ZNF804B: variants seen among roughly 807,000 people sequenced by gnomAD.
ZNF804B encodes zinc finger 804B.
Under a neutral mutation model 101.4 loss-of-function variants are expected in ZNF804B, and 80 were observed. The ratio of observed to expected loss-of-function variants is 0.79; its 90% confidence interval spans 0.66 to 0.95. ZNF804B has a LOEUF of 0.95. Ranked by LOEUF, ZNF804B falls within the 40% of genes least tolerant of loss-of-function variation. The pLI, the probability that ZNF804B is intolerant of heterozygous loss-of-function variation, is 0.00. For synonymous variants in ZNF804B, 622 were observed against 558.8 expected (o/e 1.11, Z -1.59); for missense variants, 1,673 against 1,561.9 (o/e 1.07, Z -1.20).
chr7:89,334,700 T>A lies in ZNF804B; in HGVS notation c.1718T>A (p.Leu573Ter). ...KSEYTFSAND[L>*]EMKNPKVPLY... ...GAATATACTTTCAGTGCAAATGATT[T>A]GGAAATGAAAAATCCTAAAGTGCCT... Residue 573 changes from leucine (L) to a stop codon, truncating the protein, a stop_gained, in exon 4 of 4, where the codon TTG (leucine) becomes TAG (stop). Coordinates refer to ENST00000333190, the MANE Select transcript of ZNF804B (RefSeq NM_181646.5). LOFTEE classifies it high-confidence loss of function. 6.2e-7 allele frequency: 1 copy of A among 1,613,678 alleles called. No homozygotes were observed. Among genetic ancestry groups the A allele is most frequent in the Non-Finnish European group, 8.5e-7 (1 of 1,179,806 alleles).
At chr7:89,218,471 T>C (rs1211268939) in intron 2 of ZNF804B, among the ~76,000 whole-genome samples, 176 bp downstream of exon 2, 1 of 152,152 alleles carries the variant, frequency 6.6e-6, no homozygotes, top group East Asian at 1.9e-4. Flanking sequence ...AAGTCATTTT[T>C]TCCTAGAACT....
At chr7:89,032,210 G>A (rs1234273975) in intron 1 of ZNF804B, among the ~76,000 whole-genome samples, 3 of 151,170 alleles carry the variant, frequency 2.0e-5, no homozygotes, top group Admixed American at 6.6e-5. Context: ...AGTGATAGGA[G>A]CATTTCAAAG....
At position 89,337,106 on chromosome 7, in the gene ZNF804B, C is replaced by G. The variant is rs73388530; in HGVS notation, c.*74C>G. The G allele has an allele frequency of 2.8e-3, 3,889 of 1,391,240 alleles. 76 individuals are homozygous for G. In the African/African-American group the frequency reaches 0.046, roughly 17 times the overall value. The allele number at this position is 1,391,240 out of a possible 1,614,324, so 86.2% of individuals were successfully genotyped here. ...TATAAAATCATACATTTAAAGAAGT[C>G]TGTCAATTATAAGATTTAAAATATT... is the stretch of plus-strand genomic sequence containing the variant. On this transcript the variant is annotated 3_prime_UTR_variant, in exon 4 of 4. Coordinates refer to ENST00000333190, the MANE Select transcript of ZNF804B (RefSeq NM_181646.5).
At chr7:88,816,383 G>A (rs940592689) in intron 1 of ZNF804B, among the ~76,000 whole-genome samples, 7 of 152,080 alleles carry the variant, frequency 4.6e-5, no homozygotes, top group Admixed American at 3.9e-4. Context: ...TTGACAAATG[G>A]GATCTAATTA....
rs73393452 is a variant in ZNF804B at position 88,820,477 on chromosome 7, A to G, written c.108+60393A>G. On this transcript the variant is annotated intron_variant, in intron 1 of 3. Transcript: ENST00000333190. ...TCCTGGGAAAAAGAGAAGTCAAGCC[A>G]TGAGCCTCCCTTTCTCATAGGAACG... Among the ~76,000 whole-genome samples, 8 of 152,290 alleles carry G rather than the reference A, an allele frequency of 5.3e-5. 1 individual carries two copies. The highest frequency in any genetic ancestry group is 1.9e-4 in the African/African-American group (8 of 41,574).
intron 1 of ZNF804B, among the ~76,000 whole-genome samples, chr7:88,769,404 T>A (rs1421366472): frequency 1.3e-5 from 2 of 152,182 alleles, no homozygotes; most frequent in African/African-American, 4.8e-5. Flanking sequence ...TTAGGTATAA[T>A]TTAGTGTCAC....
chr7:89,009,546 A>T (rs1299052097), intron 1 of ZNF804B, among the ~76,000 whole-genome samples: 1 of 152,176 alleles, frequency 6.6e-6, no homozygotes, highest in Non-Finnish European at 1.5e-5. Context: ...TTCAAATTTG[A>T]AATCTTAACC....
At chr7:88,760,167 T>G in intron 1 of ZNF804B, 83 bp downstream of exon 1, 1 of 1,127,042 alleles carries the variant, frequency 8.9e-7, no homozygotes, top group Non-Finnish European at 1.3e-6. Flanking sequence ...AGTATCCTGA[T>G]ACAATGAGTA....
At chr7:88,773,767 G>A (rs933181442) in intron 1 of ZNF804B, among the ~76,000 whole-genome samples, 1 of 152,112 alleles carries the variant, frequency 6.6e-6, no homozygotes, top group East Asian at 1.9e-4. Flanking sequence ...TAAAGTGGGA[G>A]CCTGCATGTC....
At chr7:89,303,696 A>T (rs780726131) in intron 2 of ZNF804B, among the ~76,000 whole-genome samples, 2 of 151,940 alleles carry the variant, frequency 1.3e-5, no homozygotes. Flanking sequence ...CTTACAATTC[A>T]TGTGGGCTAT....
intron 1 of ZNF804B, among the ~76,000 whole-genome samples, chr7:89,186,083 A>T (rs888793018): frequency 6.6e-6 from 1 of 152,062 alleles, no homozygotes; most frequent in Non-Finnish European, 1.5e-5. Context: ...TAGGAAGAAA[A>T]ATATGAAAAA....
intron 1 of ZNF804B, among the ~76,000 whole-genome samples, chr7:89,064,328 C>A (rs1789420051): frequency 6.6e-6 from 1 of 152,154 alleles, no homozygotes; most frequent in African/African-American, 2.4e-5. Flanking sequence ...CCACTGACAG[C>A]CCTCCCTGAA....
At chr7:89,140,837 T>A (rs1584010956) in intron 1 of ZNF804B, among the ~76,000 whole-genome samples, 1 of 147,452 alleles carries the variant, frequency 6.8e-6, no homozygotes, top group East Asian at 1.9e-4. Context: ...CTTCAATAAT[T>A]TTTTTTTACA....
chr7:89,318,949 A>G (rs1308398516), intron 2 of ZNF804B, among the ~76,000 whole-genome samples: 1 of 152,200 alleles, frequency 6.6e-6, no homozygotes, highest in Non-Finnish European at 1.5e-5. Flanking sequence ...GTTTCTATAG[A>G]TATTAAATTA....
chr7:89,044,319 CAATT>C (rs1562869107), intron 1 of ZNF804B, among the ~76,000 whole-genome samples: 3 of 152,274 alleles, frequency 2.0e-5, no homozygotes, highest in African/African-American at 7.2e-5. Flanking sequence ...AACAGTGAGT[CAATT>C]AATCATCTTT....
intron 1 of ZNF804B, among the ~76,000 whole-genome samples, chr7:88,809,302 G>A (rs529675274): frequency 6.8e-6 from 1 of 147,920 alleles, no homozygotes; most frequent in South Asian, 2.2e-4. Flanking sequence ...ATTATTGCTT[G>A]TCATCTATCT....
chr7:89,308,415 CT>C (rs1584117088), intron 2 of ZNF804B, among the ~76,000 whole-genome samples: 1 of 152,106 alleles, frequency 6.6e-6, no homozygotes, highest in African/African-American at 2.4e-5. Flanking sequence ...AGTTAGACTC[CT>C]GAAGGAAGTT....
intron 2 of ZNF804B, among the ~76,000 whole-genome samples, chr7:89,237,655 A>T (rs117627653): frequency 2.4e-3 from 369 of 152,326 alleles, no homozygotes; most frequent in South Asian, 3.7e-3. Flanking sequence ...TCCAAGCCTG[A>T]GTCAGAACTG....
intron 1 of ZNF804B, among the ~76,000 whole-genome samples, chr7:89,198,046 T>C (rs1424811249): frequency 6.6e-6 from 1 of 151,866 alleles, no homozygotes; most frequent in Non-Finnish European, 1.5e-5. Context: ...AAATATTCAC[T>C]AAATGAACAA....
Sources: gnomAD v4.1 joint callset for allele counts (sites outside exome capture counted in the v4.1 genomes callset) on GRCh38, gnomAD v4.1.1 for gene constraint, MANE v1.5 for transcripts, NCBI Gene and HGNC (gene_info 2026-07-23, HGNC 2026-07-21) for gene names.